SLC24A3: variants seen among roughly 807,000 people sequenced by gnomAD.
The protein encoded by SLC24A3 is sodium/potassium/calcium exchanger 3.
In SLC24A3, 28 loss-of-function variants were observed where a neutral mutation model predicts 75.8. The ratio of observed to expected loss-of-function variants is 0.37; its 90% CI spans 0.27 to 0.51. SLC24A3 has a LOEUF of 0.51. SLC24A3 is among the 20% of genes least tolerant of loss of function. The pLI, the probability that SLC24A3 is intolerant of heterozygous loss-of-function variation, is 0.94. For synonymous variants in SLC24A3, 372 were observed against 334.1 expected, an observed-to-expected ratio of 1.11 and a Z score of -1.24; for missense variants, 663 against 847.8, an observed-to-expected ratio of 0.78 and a Z score of 2.71.
chr20:19,362,949 G>A (rs1344640864), intron 2 of SLC24A3, among the ~76,000 whole-genome samples: 2 of 152,344 alleles, frequency 1.3e-5, no homozygotes, highest in East Asian at 3.9e-4. Context: ...CAAACTTGCT[G>A]TGCCGTTTTC....
intron 2 of SLC24A3, among the ~76,000 whole-genome samples, chr20:19,315,344 C>A (rs1984561624): frequency 6.6e-6 from 1 of 152,166 alleles, no homozygotes; most frequent in African/African-American, 2.4e-5. Context: ...AGGACGAGAT[C>A]ACTGGGGCTG....
At chr20:19,411,365 C>CAAGT (rs766223824) in intron 2 of SLC24A3, among the ~76,000 whole-genome samples, 1 of 152,148 alleles carries the variant, frequency 6.6e-6, no homozygotes, top group Admixed American at 6.5e-5. Flanking sequence ...TTTTCTAACA[C>CAAGT]AAGTCTTCAG....
intron 2 of SLC24A3, among the ~76,000 whole-genome samples, chr20:19,346,750 C>T (rs921558652): frequency 9.9e-5 from 15 of 151,928 alleles, no homozygotes; most frequent in South Asian, 6.2e-4. Flanking sequence ...GTACACTGCT[C>T]GGGTGATGGG....
intron 2 of SLC24A3, among the ~76,000 whole-genome samples, chr20:19,313,183 C>T (rs887847685): frequency 1.3e-5 from 2 of 151,842 alleles, no homozygotes; most frequent in African/African-American, 4.8e-5. Flanking sequence ...ATTATAGGCA[C>T]CCGCCAGCAT....
intron 2 of SLC24A3, among the ~76,000 whole-genome samples, chr20:19,433,478 G>A (rs896067360): frequency 6.6e-6 from 1 of 152,190 alleles, no homozygotes; most frequent in Admixed American, 6.5e-5. Flanking sequence ...ACTTGCATCT[G>A]CATCTCTTTG....
At chr20:19,472,636 G>A (rs1987894354) in intron 2 of SLC24A3, among the ~76,000 whole-genome samples, 1 of 152,190 alleles carries the variant, frequency 6.6e-6, no homozygotes, top group African/African-American at 2.4e-5. Flanking sequence ...TGGGAACTCT[G>A]GAATAGTTTA....
intron 2 of SLC24A3, among the ~76,000 whole-genome samples, chr20:19,286,922 A>G (rs566886992): frequency 6.6e-6 from 1 of 152,386 alleles, no homozygotes; most frequent in African/African-American, 2.4e-5. Flanking sequence ...ACATTATTTC[A>G]CTAGCTTATG....
chr20:19,700,709 T>C (rs1434442385), intron 15 of SLC24A3, among the ~76,000 whole-genome samples: 1 of 152,244 alleles, frequency 6.6e-6, no homozygotes, highest in Non-Finnish European at 1.5e-5. Flanking sequence ...TTGCTTTTTA[T>C]ACTTCCTGTT....
chr20:19,671,310 T>C (rs1046632841), intron 8 of SLC24A3, among the ~76,000 whole-genome samples: 2 of 152,044 alleles, frequency 1.3e-5, no homozygotes, highest in African/African-American at 4.8e-5. Context: ...CAAGACAACA[T>C]GGAGACAGAA....
intron 2 of SLC24A3, among the ~76,000 whole-genome samples, chr20:19,282,480 G>T (rs1360981798): frequency 6.6e-6 from 1 of 152,216 alleles, no homozygotes; most frequent in African/African-American, 2.4e-5. Flanking sequence ...GGGTCCAAGT[G>T]CCCCACTGAG....
At chr20:19,670,668 C>A (rs531258035) in intron 8 of SLC24A3, among the ~76,000 whole-genome samples, 8 of 152,194 alleles carry the variant, frequency 5.3e-5, no homozygotes, top group Admixed American at 1.3e-4. Context: ...AACCTGGGAG[C>A]CTGTTCCTTC....
chr20:19,632,821 A>C (rs1016033493), intron 6 of SLC24A3, among the ~76,000 whole-genome samples: 1 of 152,216 alleles, frequency 6.6e-6, no homozygotes, highest in African/African-American at 2.4e-5. Context: ...TAGAAAGTCT[A>C]TTAAACAATG....
intron 2 of SLC24A3, among the ~76,000 whole-genome samples, chr20:19,472,267 A>T (rs528915442): frequency 6.6e-6 from 1 of 152,234 alleles, no homozygotes; most frequent in Admixed American, 6.5e-5. Context: ...GCCCTGCGTT[A>T]TGCACATAAA....
At chr20:19,367,478 A>G (rs141710652) in intron 2 of SLC24A3, among the ~76,000 whole-genome samples, 85 of 138,976 alleles carry the variant, frequency 6.1e-4, no homozygotes, top group Non-Finnish European at 1.2e-3. Flanking sequence ...CAAACAAAAA[A>G]AGAAGCCCTG....
At chr20:19,545,086 C>G (rs1257508093) in intron 3 of SLC24A3, among the ~76,000 whole-genome samples, 2 of 152,140 alleles carry the variant, frequency 1.3e-5, no homozygotes, top group Admixed American at 1.3e-4. Context: ...CAATGCAGCT[C>G]TATTGTTTTG....
rs11471623 is a variant in SLC24A3 at position 19,592,793 on chromosome 20, C to CTTTTTTTTT, written c.612+7252_612+7253insTTTTTTTTT. ...TCTTCGGCAAAAATTTTCTTTCTTT[C>CTTTTTTTTT]TTTCTTTTTTTTTTTTTTTTGAGAT... On this transcript the variant is annotated intron_variant, in intron 6 of 16. Coordinates refer to ENST00000328041, the MANE Select transcript of SLC24A3 (RefSeq NM_020689.4). Among the ~76,000 whole-genome samples, 69 of 119,602 alleles carry CTTTTTTTTT rather than the reference C, an allele frequency of 5.8e-4. 1 individual carries two copies. Among genetic ancestry groups the CTTTTTTTTT allele is most frequent in the Non-Finnish European group, 8.0e-4 (47 of 58,590 alleles). 78.5% of individuals were successfully genotyped at this position (119,602 alleles called of 152,430 possible). A position where few individuals can be genotyped will look rare whatever the true frequency, so the allele number is the denominator to read the frequency against.
intron 2 of SLC24A3, among the ~76,000 whole-genome samples, chr20:19,464,688 C>T (rs759886845): frequency 6.6e-6 from 1 of 152,168 alleles, no homozygotes; most frequent in Non-Finnish European, 1.5e-5. Flanking sequence ...GTACATTTGT[C>T]TCAGCAATTT....
rs112668161 is a variant in SLC24A3, at chr20:19,697,431, T to C, written c.1606+520T>C. ...TACCCCCATTTTATGGACAAGAAAA[T>C]TGAGGCTTAGAGAGGACAAACCTCA... On this transcript the variant is annotated intron_variant, in intron 14 of 16. Coordinates refer to ENST00000328041, the MANE Select transcript of SLC24A3 (RefSeq NM_020689.4). 908 of 155,360 alleles carry C rather than the reference T, an allele frequency of 5.8e-3. 2 individuals are homozygous for C. The highest frequency in any genetic ancestry group is 0.026 in the Middle Eastern group (8 of 302). The allele number at this position is 155,360 out of a possible 1,614,324, so 9.6% of individuals were successfully genotyped here.
At chr20:19,527,651 T>C (rs1475608554) in intron 3 of SLC24A3, among the ~76,000 whole-genome samples, 2 of 152,158 alleles carry the variant, frequency 1.3e-5, no homozygotes, top group Non-Finnish European at 2.9e-5. Context: ...GAGGTCCAGA[T>C]AGCTTGGGCA....
Sources: gnomAD v4.1 joint callset for allele counts (sites outside exome capture counted in the v4.1 genomes callset) on GRCh38, gnomAD v4.1.1 for gene constraint, MANE v1.5 for transcripts, NCBI Gene and HGNC (gene_info 2026-07-23, HGNC 2026-07-21) for gene names.